The following SPATA17 variants were observed in gnomAD, a reference collection of about 807,000 sequenced individuals.
SPATA17 encodes the protein spermatogenesis associated 17.
A neutral mutation model predicts 62.2 loss-of-function variants in SPATA17; 53 were observed. The ratio of observed to expected loss-of-function variants is 0.85; its 90% CI spans 0.68 to 1.07. The LOEUF is 1.07. SPATA17 is among the 50% of genes least tolerant of loss of function. The pLI is 0.00. For missense variants in SPATA17, 466 were observed against 425.5 expected (o/e 1.10, Z -0.84); for synonymous variants, 146 against 146.8 (o/e 0.99, Z 0.04).
chr1:217,749,126 T>A (rs1307358418), intron 6 of SPATA17, among the ~76,000 whole-genome samples: 1 of 152,146 alleles, frequency 6.6e-6, no homozygotes, highest in Non-Finnish European at 1.5e-5. Flanking sequence ...ATCTTTGGAG[T>A]GATAGGGAAA....
At chr1:217,669,162 G>A in intron 4 of SPATA17, 79 bp downstream of exon 4, 1 of 1,249,864 alleles carries the variant, frequency 8.0e-7, no homozygotes, top group Non-Finnish European at 1.2e-6. Flanking sequence ...GAGCAAAGCA[G>A]AATAATGCAA....
At chr1:217,674,709 G>A (rs1432132057) in intron 4 of SPATA17, among the ~76,000 whole-genome samples, 5 of 152,206 alleles carry the variant, frequency 3.3e-5, no homozygotes, top group Non-Finnish European at 7.3e-5. Context: ...GCAGCTGGAT[G>A]GATGGTGAAG....
chr1:217,674,495 A>G (rs547313370), intron 4 of SPATA17, among the ~76,000 whole-genome samples: 1 of 152,210 alleles, frequency 6.6e-6, no homozygotes, highest in Non-Finnish European at 1.5e-5. Context: ...CCCTGGCAGG[A>G]GAGTGTGTGT....
chr1:217,741,417 A>G (rs1030113798), intron 5 of SPATA17, among the ~76,000 whole-genome samples: 3 of 152,170 alleles, frequency 2.0e-5, no homozygotes, highest in African/African-American at 7.2e-5. Context: ...TATCTGTGTA[A>G]TTGGACAAAA....
chr1:217,780,232 C>A (rs918284548), intron 7 of SPATA17, among the ~76,000 whole-genome samples: 3 of 151,914 alleles, frequency 2.0e-5, no homozygotes, highest in African/African-American at 7.3e-5. Context: ...TATAAATCAA[C>A]AAAAATTTGA....
At chr1:217,802,402 C>CTAATA (rs1214218849) in intron 9 of SPATA17, among the ~76,000 whole-genome samples, 1 of 152,202 alleles carries the variant, frequency 6.6e-6, no homozygotes, top group African/African-American at 2.4e-5. Context: ...TATACTCAGA[C>CTAATA]TGCCACAACA....
chr1:217,818,010 A>T (rs1347202152), intron 9 of SPATA17, among the ~76,000 whole-genome samples: 2 of 152,090 alleles, frequency 1.3e-5, no homozygotes, highest in African/African-American at 4.8e-5. Flanking sequence ...TGAATTTATC[A>T]TGCTTTTCTG....
intron 3 of SPATA17, among the ~76,000 whole-genome samples, chr1:217,664,220 T>A (rs1345511931): frequency 6.6e-6 from 1 of 151,610 alleles, no homozygotes; most frequent in Non-Finnish European, 1.5e-5. Context: ...TTGACATGAA[T>A]ATGAAAAGTC....
At chr1:217,738,429 C>T (rs1427405195) in intron 5 of SPATA17, among the ~76,000 whole-genome samples, 2 of 152,162 alleles carry the variant, frequency 1.3e-5, no homozygotes, top group Admixed American at 6.5e-5. Flanking sequence ...ATACTTGGCT[C>T]ATAGTAAATG....
At chr1:217,708,166 C>A (rs1295197339) in intron 5 of SPATA17, among the ~76,000 whole-genome samples, 4 of 152,046 alleles carry the variant, frequency 2.6e-5, no homozygotes, top group African/African-American at 9.7e-5. Flanking sequence ...AAGAACACAT[C>A]AACCCCAAAG....
chr1:217,835,548 A>C (rs960847523), intron 9 of SPATA17, among the ~76,000 whole-genome samples: 8 of 152,268 alleles, frequency 5.3e-5, no homozygotes, highest in African/African-American at 1.9e-4. Context: ...GCATTGAATA[A>C]CCGTAGTGCA....
intron 9 of SPATA17, among the ~76,000 whole-genome samples, chr1:217,833,385 A>G (rs1391481426): frequency 6.6e-6 from 1 of 152,168 alleles, no homozygotes; most frequent in East Asian, 1.9e-4. Flanking sequence ...TCTACAGTGT[A>G]ATTATATTCT....
chr1:217,787,833 A>T (rs924111950), intron 8 of SPATA17, among the ~76,000 whole-genome samples: 2 of 152,256 alleles, frequency 1.3e-5, no homozygotes, highest in East Asian at 3.9e-4. Flanking sequence ...AATTATATGT[A>T]TATTTATTAT....
chr1:217,801,841 C>G lies in SPATA17; in HGVS notation c.996C>G (p.Ile332Met). The G allele has an allele frequency of 6.2e-7, 1 of 1,606,728 alleles. No individual in the cohort carries two copies. The highest frequency in any genetic ancestry group is 8.5e-7 in the Non-Finnish European group (1 of 1,177,958). Residue 332 changes from isoleucine to methionine, a missense_variant, in exon 9 of 11, where the codon ATC (isoleucine) becomes ATG (methionine). Coordinates refer to ENST00000366933, the MANE Select transcript of SPATA17 (RefSeq NM_138796.4). Reference sequence around the variant, plus strand: ...GAAGTGAAAATCCTAAGAAATGGATCTGTGACAAGGTGAGTTAACAAAACA... The same window carrying G: ...GAAGTGAAAATCCTAAGAAATGGATGTGTGACAAGGTGAGTTAACAAAACA... ...QFRSENPKKW[I>M]CDKDFQTVLP...
intron 6 of SPATA17, among the ~76,000 whole-genome samples, chr1:217,757,344 G>A (rs1170542834): frequency 6.6e-6 from 1 of 152,172 alleles, no homozygotes; most frequent in African/African-American, 2.4e-5. Flanking sequence ...TAATGAGCTT[G>A]CTTCTATTTA....
chr1:217,816,557 A>G (rs2102994602), intron 9 of SPATA17, among the ~76,000 whole-genome samples: 1 of 151,992 alleles, frequency 6.6e-6, no homozygotes, highest in South Asian at 2.1e-4. Context: ...AATGAAAAAT[A>G]GATAAAAATG....
At chr1:217,690,697 A>T (rs1671332583) in intron 5 of SPATA17, among the ~76,000 whole-genome samples, 1 of 106,896 alleles carries the variant, frequency 9.4e-6, no homozygotes, top group South Asian at 3.3e-4. Flanking sequence ...TGTCCATGTG[A>T]TCTCATTGTT....
chr1:217,771,557 G>C (rs192252661), intron 6 of SPATA17, among the ~76,000 whole-genome samples: 1 of 151,966 alleles, frequency 6.6e-6, no homozygotes, highest in African/African-American at 2.4e-5. Flanking sequence ...AAATAAATAG[G>C]GTATTTGCCT....
chr1:217,738,179 A>G (rs1672554460), intron 5 of SPATA17, among the ~76,000 whole-genome samples: 1 of 152,084 alleles, frequency 6.6e-6, no homozygotes, highest in South Asian at 2.1e-4. Flanking sequence ...AGGAGAAACC[A>G]CCCCTCAGAG....
Sources: allele counts gnomAD v4.1 joint callset (sites outside exome capture counted in the v4.1 genomes callset), GRCh38; gene constraint gnomAD v4.1.1; transcripts MANE v1.5; gene names NCBI Gene and HGNC (gene_info 2026-07-23, HGNC 2026-07-21).